Variants in CALN1 observed in about 807,000 individuals in gnomAD.
CALN1 encodes the protein calneuron 1, also known as calcium-binding protein 8.
In CALN1, 17 loss-of-function variants were observed where a neutral mutation model predicts 30.6. That is an observed-to-expected ratio of 0.56 (90% CI 0.38 to 0.83). CALN1 has a LOEUF of 0.83. CALN1 is among the 40% of genes least tolerant of loss of function. CALN1 has a pLI of 0.00. For synonymous variants in CALN1, 156 were observed against 131.4 expected, an observed-to-expected ratio of 1.19 and a Z score of -1.28; for missense variants, 291 against 354.9, an observed-to-expected ratio of 0.82 and a Z score of 1.45.
chr7:72,333,769 A>G (rs1036348661), intron 2 of CALN1, among the ~76,000 whole-genome samples: 2 of 151,598 alleles, frequency 1.3e-5, no homozygotes, highest in Non-Finnish European at 2.9e-5. Flanking sequence ...CGTGACAAAG[A>G]AAGGGTTTTG....
chr7:72,497,214 T>G, the CALN1 span, among the ~76,000 whole-genome samples: 2 of 152,052 alleles, frequency 1.3e-5, no homozygotes, highest in Non-Finnish European at 2.9e-5. Flanking sequence ...CCAAAGCGGG[T>G]GGATCACCTG....
the CALN1 span, among the ~76,000 whole-genome samples, chr7:72,483,019 C>T: frequency 7.9e-5 from 12 of 152,048 alleles, no homozygotes; most frequent in African/African-American, 2.7e-4. Flanking sequence ...TGTTTGTTTA[C>T]TTGTTTAATA....
chr7:71,794,727 C>A (rs1210884160), intron 6 of CALN1, among the ~76,000 whole-genome samples: 1 of 152,232 alleles, frequency 6.6e-6, no homozygotes, highest in Admixed American at 6.5e-5. Flanking sequence ...CTATTCCCTG[C>A]AGCCTACAGC....
intron 3 of CALN1, among the ~76,000 whole-genome samples, chr7:72,262,901 G>A (rs1164146633): frequency 6.6e-6 from 1 of 152,178 alleles, no homozygotes; most frequent in Admixed American, 6.5e-5. Flanking sequence ...GAGTAGGAAA[G>A]GTATCCTTAT....
intron 4 of CALN1, among the ~76,000 whole-genome samples, chr7:72,096,578 G>A (rs1189693205): frequency 1.1e-4 from 16 of 152,120 alleles, no homozygotes. Context: ...AGACCGAGGA[G>A]GGCCCCTGAG....
At chr7:71,998,562 C>T (rs901361854) in intron 5 of CALN1, among the ~76,000 whole-genome samples, 1 of 150,302 alleles carries the variant, frequency 6.7e-6, no homozygotes, top group Non-Finnish European at 1.5e-5. Context: ...AAAAACTATA[C>T]GAACAGATAT....
At chr7:72,049,235 G>C (rs1399850377) in intron 4 of CALN1, among the ~76,000 whole-genome samples, 1 of 151,836 alleles carries the variant, frequency 6.6e-6, no homozygotes, top group Non-Finnish European at 1.5e-5. Context: ...TCTAGACAGG[G>C]AAAATAAAAA....
At chr7:71,800,987 C>G (rs763479310) in intron 6 of CALN1, among the ~76,000 whole-genome samples, 1 of 152,012 alleles carries the variant, frequency 6.6e-6, no homozygotes, top group Non-Finnish European at 1.5e-5. Context: ...TGACAGGCCC[C>G]GGTGTGTGAT....
rs139729428 is a variant in CALN1, at chr7:72,219,941, A to G, written c.244+58745T>C. ...AGAAAAACACATTGATTAGCCTCCT[A>G]TAAAAAAAAATTCAACCTCACTAGT... On this transcript the variant is annotated intron_variant, in intron 3 of 6. Transcript: ENST00000395275. 5.9e-5 allele frequency among the ~76,000 whole-genome samples: 9 copies of G among 152,292 alleles called. No homozygotes were observed. The East Asian group carries it at 1.7e-3, about 29-fold the overall frequency.
chr7:72,187,937 A>G (rs1418916946), intron 3 of CALN1, among the ~76,000 whole-genome samples: 1 of 112,208 alleles, frequency 8.9e-6, no homozygotes, highest in Non-Finnish European at 1.8e-5. Context: ...CCTTACTCCC[A>G]CAAGAATGGC....
At chr7:72,375,984 C>A (rs1416365044) in intron 2 of CALN1, among the ~76,000 whole-genome samples, 1 of 152,150 alleles carries the variant, frequency 6.6e-6, no homozygotes, top group Non-Finnish European at 1.5e-5. Context: ...CTAGATATAT[C>A]TCATAATTAG....
intron 5 of CALN1, among the ~76,000 whole-genome samples, chr7:71,898,543 A>G (rs1275880193): frequency 6.6e-6 from 1 of 152,172 alleles, no homozygotes; most frequent in East Asian, 1.9e-4. Flanking sequence ...GAGTTTCACA[A>G]GGAGAGGAGA....
chr7:72,347,091 T>C (rs980891048), intron 2 of CALN1, among the ~76,000 whole-genome samples: 1 of 152,136 alleles, frequency 6.6e-6, no homozygotes, highest in African/African-American at 2.4e-5. Context: ...GTGGATGCAA[T>C]GCTGGCTGAG....
At chr7:71,949,182 G>T (rs76713971) in intron 5 of CALN1, among the ~76,000 whole-genome samples, 8,594 of 152,068 alleles carry the variant, frequency 0.057, 624 homozygotes, top group East Asian at 0.21. Flanking sequence ...TCCCTGACAG[G>T]CTATGAGGCA....
At chr7:71,921,455 T>C (rs760796791) in intron 5 of CALN1, among the ~76,000 whole-genome samples, 54 of 152,286 alleles carry the variant, frequency 3.5e-4, no homozygotes, top group South Asian at 4.1e-4. Context: ...GTGATTCTTA[T>C]TTACTGATAC....
intron 4 of CALN1, among the ~76,000 whole-genome samples, chr7:72,030,509 C>A (rs964838671): frequency 1.3e-5 from 2 of 151,960 alleles, no homozygotes; most frequent in African/African-American, 2.4e-5. Context: ...CTGGGAATAC[C>A]CCCCAAAAGT....
chr7:72,260,505 C>T (rs1796192831), intron 3 of CALN1, among the ~76,000 whole-genome samples: 1 of 152,196 alleles, frequency 6.6e-6, no homozygotes, highest in Non-Finnish European at 1.5e-5. Flanking sequence ...AAATCTAAAA[C>T]ATTTTTCTTA....
At chr7:72,132,445 T>C (rs1428761154) in intron 3 of CALN1, among the ~76,000 whole-genome samples, 7 of 152,150 alleles carry the variant, frequency 4.6e-5, no homozygotes, top group African/African-American at 1.7e-4. Flanking sequence ...AAGTCAAAAA[T>C]GTGTAAGTCA....
chr7:72,287,981 T>C (rs1229392050), intron 2 of CALN1, among the ~76,000 whole-genome samples: 1 of 152,174 alleles, frequency 6.6e-6, no homozygotes, highest in Admixed American at 6.5e-5. Flanking sequence ...TGGTATATAA[T>C]AGTTATTTAT....
Sources: allele counts gnomAD v4.1 joint callset (sites outside exome capture counted in the v4.1 genomes callset), GRCh38; gene constraint gnomAD v4.1.1; transcripts MANE v1.5; gene names NCBI Gene and HGNC (gene_info 2026-07-23, HGNC 2026-07-21).